ARID1B: variants seen among roughly 807,000 people sequenced by gnomAD.
ARID1B encodes the protein AT-rich interaction domain 1B.
A neutral mutation model predicts 212.3 loss-of-function variants in ARID1B; 30 were observed. The ratio of observed to expected loss-of-function variants is 0.14; its 90% CI spans 0.11 to 0.19. The LOEUF is 0.19. Ranked by LOEUF, ARID1B falls within the 10% of genes least tolerant of loss-of-function variation. The pLI is 1.00. For missense variants in ARID1B, 2,891 were observed against 3,204.0 expected (o/e 0.90, Z 2.36); for synonymous variants, 1,402 against 1,301.7 (o/e 1.08, Z -1.66).
chr6:156,833,229 A>C (rs1488128577), intron 2 of ARID1B, among the ~76,000 whole-genome samples: 2 of 152,172 alleles, frequency 1.3e-5, no homozygotes, highest in Non-Finnish European at 2.9e-5. Flanking sequence ...TAAAAAAAAA[A>C]CAAACCTTAA....
chr6:156,961,526 G>A (rs1794376912), intron 4 of ARID1B, among the ~76,000 whole-genome samples: 1 of 152,132 alleles, frequency 6.6e-6, no homozygotes, highest in African/African-American at 2.4e-5. Flanking sequence ...GGGCAGGACA[G>A]TCAGGTGAGC....
chr6:156,968,553 C>G (rs747005720), intron 4 of ARID1B, among the ~76,000 whole-genome samples: 1 of 152,190 alleles, frequency 6.6e-6, no homozygotes, highest in African/African-American at 2.4e-5. Flanking sequence ...CACCCAGCTC[C>G]CACTGATTTC....
chr6:157,135,942 A>G (rs1205934530), intron 7 of ARID1B, among the ~76,000 whole-genome samples: 1 of 151,556 alleles, frequency 6.6e-6, no homozygotes, highest in East Asian at 1.9e-4. Flanking sequence ...TCTTAACTTC[A>G]TGGCTTGCTT....
chr6:157,100,237 T>A (rs916484147), intron 5 of ARID1B, among the ~76,000 whole-genome samples: 13 of 152,188 alleles, frequency 8.5e-5, no homozygotes, highest in Non-Finnish European at 1.9e-4. Flanking sequence ...TTCACCAACA[T>A]CTTCCCCACC....
At chr6:156,989,840 C>T (rs1326367404) in intron 4 of ARID1B, among the ~76,000 whole-genome samples, 1 of 152,092 alleles carries the variant, frequency 6.6e-6, no homozygotes, top group African/African-American at 2.4e-5. Flanking sequence ...TATGTTACCT[C>T]CCGGGTGATG....
At chr6:157,087,342 G>A (rs568389805) in intron 5 of ARID1B, among the ~76,000 whole-genome samples, 91 of 152,262 alleles carry the variant, frequency 6.0e-4, no homozygotes, top group African/African-American at 2.1e-3. Context: ...CTCCCAAGTG[G>A]AATTACAAAC....
chr6:157,021,306 C>CG (rs1780233466), intron 4 of ARID1B, among the ~76,000 whole-genome samples: 1 of 152,226 alleles, frequency 6.6e-6, no homozygotes, highest in South Asian at 2.1e-4. Flanking sequence ...CGAGCTCCTC[C>CG]GAAGGGAGAA....
chr6:157,121,537 T>G (rs577117654), intron 6 of ARID1B, among the ~76,000 whole-genome samples: 1 of 152,128 alleles, frequency 6.6e-6, no homozygotes, highest in Non-Finnish European at 1.5e-5. Context: ...ATCAGTTTCT[T>G]TAATTTTTTT....
intron 4 of ARID1B, among the ~76,000 whole-genome samples, chr6:157,021,306 C>T (rs529962191): frequency 6.6e-6 from 1 of 152,226 alleles, no homozygotes; most frequent in Non-Finnish European, 1.5e-5. Context: ...CGAGCTCCTC[C>T]GAAGGGAGAA....
At chr6:156,840,112 T>A (rs1408239813) in intron 2 of ARID1B, among the ~76,000 whole-genome samples, 1 of 152,188 alleles carries the variant, frequency 6.6e-6, no homozygotes, top group Non-Finnish European at 1.5e-5. Flanking sequence ...CCTGTCTCAA[T>A]ACCTGGTAGC....
intron 6 of ARID1B, among the ~76,000 whole-genome samples, chr6:157,122,314 A>G (rs1166493101): frequency 2.0e-5 from 3 of 152,226 alleles, no homozygotes; most frequent in Non-Finnish European, 4.4e-5. Context: ...GGAATTTTTC[A>G]CTGATGCTAA....
chr6:156,793,507 C>A (rs1219719837), intron 1 of ARID1B, among the ~76,000 whole-genome samples: 1 of 152,004 alleles, frequency 6.6e-6, no homozygotes, highest in African/African-American at 2.4e-5. Flanking sequence ...GCCTACTTTT[C>A]AAAATTTTTG....
rs145892507 is a variant in ARID1B at position 156,928,268 on chromosome 6, A to G, written c.2137-7198A>G. Among the ~76,000 whole-genome samples, 25 of 152,358 alleles carry G rather than the reference A, an allele frequency of 1.6e-4. No homozygotes were observed. In the East Asian group the frequency reaches 4.4e-3, roughly 27 times the overall value. On this transcript the variant is annotated intron_variant, in intron 3 of 19. Coordinates refer to ENST00000636930, the MANE Select transcript of ARID1B (RefSeq NM_001374828.1). ...CTGAGCACTTGTATTTGAGGAAGTC[A>G]GCAGCATTGACCGCAGTGCAGGTGT...
intron 8 of ARID1B, among the ~76,000 whole-genome samples, chr6:157,156,937 C>T (rs1190949845): frequency 6.6e-6 from 1 of 152,336 alleles, no homozygotes; most frequent in East Asian, 1.9e-4. Flanking sequence ...CTCGAGTCTG[C>T]GCCGACCTGA....
intron 1 of ARID1B, among the ~76,000 whole-genome samples, chr6:156,823,153 C>T (rs186610610): frequency 1.3e-5 from 2 of 152,006 alleles, no homozygotes; most frequent in Non-Finnish European, 2.9e-5. Context: ...CGTGTGTAGT[C>T]CGCTGTGTTG....
At chr6:157,127,690 C>T (rs1363126671) in intron 6 of ARID1B, among the ~76,000 whole-genome samples, 7 of 148,510 alleles carry the variant, frequency 4.7e-5, no homozygotes, top group Non-Finnish European at 7.4e-5. Flanking sequence ...GCAGGAGAAT[C>T]GCTTGAACTC....
At chr6:157,046,740 A>G (rs1782267490) in intron 4 of ARID1B, among the ~76,000 whole-genome samples, 1 of 152,246 alleles carries the variant, frequency 6.6e-6, no homozygotes, top group South Asian at 2.1e-4. Context: ...TTTTTAAAAG[A>G]AAGGTAAAAT....
chr6:156,920,861 C>CTTTT (rs375978825), intron 3 of ARID1B, among the ~76,000 whole-genome samples: 2 of 144,080 alleles, frequency 1.4e-5, no homozygotes, highest in African/African-American at 5.1e-5. Flanking sequence ...CTTTTCTTTT[C>CTTTT]TTTTTTTTTT....
At chr6:157,114,890 TGCCTTGGAGCCTAAGTCCCCCCA>T (rs1787222891) in intron 6 of ARID1B, among the ~76,000 whole-genome samples, 1 of 152,212 alleles carries the variant, frequency 6.6e-6, no homozygotes. Flanking sequence ...CTGGCAACAC[TGCCTTGGAGCCTAAGTCCCCCCA>T]GTTTCAAGTA....
Sources: allele counts gnomAD v4.1 joint callset (sites outside exome capture counted in the v4.1 genomes callset), GRCh38; gene constraint gnomAD v4.1.1; transcripts MANE v1.5; gene names NCBI Gene and HGNC (gene_info 2026-07-23, HGNC 2026-07-21).